UBE2L6: variants seen among roughly 807,000 people sequenced by gnomAD.
UBE2L6 encodes the protein ubiquitin conjugating enzyme E2 L6.
Under a neutral mutation model 13.6 loss-of-function variants are expected in UBE2L6, and 11 were observed. That is an observed-to-expected ratio of 0.81 (90% confidence interval 0.51 to 1.34). The LOEUF (loss-of-function observed/expected upper bound fraction) is 1.34, where lower values mean the gene tolerates loss of function less well. UBE2L6 is among the 40% of genes most tolerant of loss of function. The pLI is 0.00. For missense variants in UBE2L6, 197 were observed against 199.5 expected, an observed-to-expected ratio of 0.99 and a Z score of 0.07; for synonymous variants, 74 against 83.2, an observed-to-expected ratio of 0.89 and a Z score of 0.60.
upstream of UBE2L6, chr11:57,567,727 C>G: frequency 7.5e-7 from 1 of 1,324,908 alleles, no homozygotes; most frequent in Admixed American, 2.3e-5. Flanking sequence ...GCCCACCCCT[C>G]CTCCAGCCGT....
chr11:57,552,117 G>T lies in UBE2L6; in HGVS notation c.*241C>A. ...CAAACTTAAACTCCCTTGGCTCTGGGGAATGTAAAGGGTGTGGGAAGGGTG... is the reference window on the plus strand; with the variant it reads ...CAAACTTAAACTCCCTTGGCTCTGGTGAATGTAAAGGGTGTGGGAAGGGTG... On this transcript the variant is annotated 3_prime_UTR_variant, in exon 4 of 4. Coordinates refer to ENST00000287156, the MANE Select transcript of UBE2L6 (RefSeq NM_004223.5). The T allele has an allele frequency of 1.9e-6, 1 of 515,566 alleles. No individual in the cohort carries two copies. The highest frequency in any genetic ancestry group is 3.4e-6 in the Non-Finnish European group (1 of 292,950). The allele number at this position is 515,566 out of a possible 1,614,324, so 31.9% of individuals were successfully genotyped here.
At chr11:57,554,751 G>A in intron 2 of UBE2L6, 128 bp from the exon 3 acceptor site, 8 of 953,454 alleles carry the variant, frequency 8.4e-6, no homozygotes, top group Non-Finnish European at 4.7e-6. Flanking sequence ...CACAGCACCT[G>A]CATTCATTTG....
intron 2 of UBE2L6, among the ~76,000 whole-genome samples, chr11:57,556,556 C>A (rs1310197354): frequency 7.7e-6 from 1 of 129,296 alleles, no homozygotes; most frequent in Non-Finnish European, 1.5e-5. Flanking sequence ...CACACCCTTG[C>A]ACTCCAGCCT....
rs574396294 is a variant in UBE2L6 at position 57,565,017 on chromosome 11, T to C, written c.27+2568A>G. On this transcript the variant is annotated intron_variant, in intron 1 of 3. Transcript: ENST00000287156. ...CAGCACTTTGGGAGGCTGAGGTGGG[T>C]GGATCACCTGAGGTCAGGAGTTCGA... Among the ~76,000 whole-genome samples the C allele has an allele frequency of 9.9e-5, 15 of 152,030 alleles. No individual in the cohort carries two copies. In the East Asian group the frequency reaches 1.4e-3, roughly 14 times the overall value.
At position 57,554,641 on chromosome 11, in the gene UBE2L6, G is replaced by A; in HGVS notation, c.124-18C>T. 1.2e-6 allele frequency: 2 copies of A among 1,613,638 alleles called. No individual in the cohort carries two copies. Among genetic ancestry groups the A allele is most frequent in the African/African-American group, 1.3e-5 (1 of 75,030 alleles). ...GGTTGGTCCTGTGCAGAGAGAAAAG[G>A]GGTCAAGCTCCAGTCTGGTTTTCCT... On this transcript the variant is annotated intron_variant, in intron 2 of 3. Transcript: ENST00000287156.
intron 2 of UBE2L6, among the ~76,000 whole-genome samples, chr11:57,554,951 C>T (rs1381323475): frequency 6.6e-6 from 1 of 152,098 alleles, no homozygotes; most frequent in Non-Finnish European, 1.5e-5. Flanking sequence ...TCTCAGCTTT[C>T]AAGACTTTCT....
chr11:57,564,620 T>A (rs1200389771), intron 1 of UBE2L6, among the ~76,000 whole-genome samples: 1 of 151,980 alleles, frequency 6.6e-6, no homozygotes, highest in Non-Finnish European at 1.5e-5. Context: ...CTGGCTAACA[T>A]GGTGAAACCA....
At position 57,567,652 on chromosome 11, in the gene UBE2L6, C is replaced by A. The variant is rs1945104071; in HGVS notation, c.-41G>T. On this transcript the variant is annotated 5_prime_UTR_variant, in exon 1 of 4. Transcript: ENST00000287156. Reference sequence around the variant, plus strand: ...GTGGCACCCGTGGCCTCCAGCAGGACCGAGCTCCGACCCGCGACACAGCGC... The same window carrying A: ...GTGGCACCCGTGGCCTCCAGCAGGAACGAGCTCCGACCCGCGACACAGCGC... The A allele has an allele frequency of 2.5e-6, 4 of 1,590,914 alleles. No homozygotes were observed. The highest frequency in any genetic ancestry group is 3.4e-6 in the Non-Finnish European group (4 of 1,169,226).
At chr11:57,560,902 G>A (rs566223721) in intron 1 of UBE2L6, among the ~76,000 whole-genome samples, 1 of 151,846 alleles carries the variant, frequency 6.6e-6, no homozygotes, top group African/African-American at 2.4e-5. Context: ...TTACAGACGT[G>A]AGCTACCGCG....
chr11:57,564,688 A>G (rs1043593113), intron 1 of UBE2L6, among the ~76,000 whole-genome samples: 13 of 152,142 alleles, frequency 8.5e-5, no homozygotes, highest in Non-Finnish European at 1.6e-4. Flanking sequence ...CTGTAACCCC[A>G]GCTACTCGGG....
At chr11:57,567,326 C>T in intron 1 of UBE2L6, 1 of 585,554 alleles carries the variant, frequency 1.7e-6, no homozygotes. Flanking sequence ...AAATTGAAAC[C>T]AGTTTTGGGG....
chr11:57,555,303 T>TA (rs1489319931), intron 2 of UBE2L6, among the ~76,000 whole-genome samples: 1 of 152,198 alleles, frequency 6.6e-6, no homozygotes, highest in Non-Finnish European at 1.5e-5. Flanking sequence ...TATTTAGCCT[T>TA]AAAAGGAATG....
At chr11:57,552,578 T>C in intron 3 of UBE2L6, 69 bp from the exon 4 acceptor site, 1 of 1,580,132 alleles carries the variant, frequency 6.3e-7, no homozygotes, top group Non-Finnish European at 8.7e-7. Context: ...CCGTTCCCAA[T>C]GTCCTGACAC....
chr11:57,562,623 A>G (rs1021916804), intron 1 of UBE2L6, among the ~76,000 whole-genome samples: 21 of 152,262 alleles, frequency 1.4e-4, no homozygotes, highest in African/African-American at 5.1e-4. Context: ...CAGGGAGCTC[A>G]GCACGGAGAG....
At chr11:57,554,873 C>A (rs895540721) in intron 2 of UBE2L6, among the ~76,000 whole-genome samples, 3 of 151,672 alleles carry the variant, frequency 2.0e-5, no homozygotes, top group African/African-American at 7.3e-5. Flanking sequence ...AGCCACTTCC[C>A]ACCTCTAGGC....
chr11:57,564,671 C>T lies in UBE2L6; in HGVS notation c.27+2914G>A, dbSNP rs527481573. Among the ~76,000 whole-genome samples the T allele has an allele frequency of 6.6e-5, 10 of 151,874 alleles. No homozygotes were observed. In the East Asian group the frequency reaches 1.2e-3, roughly 18 times the overall value. ...TACAAAAATTAGCTGGGCGTGGTGGCGGGTGCCTGTAACCCCAGCTACTCG... is the reference window on the plus strand; with the variant it reads ...TACAAAAATTAGCTGGGCGTGGTGGTGGGTGCCTGTAACCCCAGCTACTCG... On this transcript the variant is annotated intron_variant, in intron 1 of 3. Transcript: ENST00000287156.
upstream of UBE2L6, chr11:57,567,916 G>C: frequency 2.8e-6 from 1 of 352,352 alleles, no homozygotes; most frequent in Non-Finnish European, 5.1e-6. Flanking sequence ...CTCCCGCGGG[G>C]TGCGCCGTGC....
chr11:57,565,081 A>G (rs1945077144), intron 1 of UBE2L6, among the ~76,000 whole-genome samples: 1 of 151,964 alleles, frequency 6.6e-6, no homozygotes, highest in Non-Finnish European at 1.5e-5. Context: ...CGTCTCTACT[A>G]AAAATACAAA....
intron 1 of UBE2L6, chr11:57,566,942 T>TCCC: frequency 1.0e-5 from 2 of 193,390 alleles, no homozygotes; most frequent in Non-Finnish European, 2.0e-5. Flanking sequence ...TGTTCATCTC[T>TCCC]GCCCGCCCCC....
Sources: allele counts gnomAD v4.1 joint callset (sites outside exome capture counted in the v4.1 genomes callset), GRCh38; gene constraint gnomAD v4.1.1; transcripts MANE v1.5; gene names NCBI Gene and HGNC (gene_info 2026-07-23, HGNC 2026-07-21).